LMO3: variants seen among roughly 807,000 people sequenced by gnomAD.
The protein encoded by LMO3 is LIM domain only protein 3.
LMO3 carries 2 observed loss-of-function variants against 15.8 expected under a neutral mutation model. The ratio of observed to expected loss-of-function variants is 0.13; its 90% CI spans 0.05 to 0.40. The LOEUF is 0.40. LMO3 is among the 10% of genes least tolerant of loss of function. LMO3 has a pLI of 0.99. For synonymous variants in LMO3, 62 were observed against 63.8 expected (o/e 0.97, Z 0.13); for missense variants, 86 against 182.2 (o/e 0.47, Z 3.04).
chr12:16,600,291 CAAAAAAAAAAAA>C lies in LMO3; in HGVS notation c.206+352_206+363del, dbSNP rs35993210. 17 of 69,684 alleles carry C rather than the reference CAAAAAAAAAAAA, an allele frequency of 2.4e-4. No homozygotes were observed. The East Asian group carries it at 4.0e-3, about 16-fold the overall frequency. 4.3% of individuals were successfully genotyped at this position (69,684 alleles called of 1,614,324 possible). ...TCAACCCCCATTCCCCCTTAAGCTC[CAAAAAAAAAAAA>C]AAAAAAAAAAAAGAAAAAAAAGAAA... On this transcript the variant is annotated intron_variant, in intron 2 of 3. Coordinates refer to ENST00000537304, the MANE Select transcript of LMO3 (RefSeq NM_018640.5).
Position 16,555,204 on chromosome 12 carries a change from C to T in LMO3, c.333-3877G>A, listed in dbSNP as rs545173124. On this transcript the variant is annotated intron_variant, in intron 3 of 3. Coordinates refer to ENST00000537304, the MANE Select transcript of LMO3 (RefSeq NM_018640.5). This position sits in a 1 kb window ranked among gnomAD's most constrained non-coding sequence, Gnocchi z 5.5. ...GGTAATGATAATCTTTTCACCTTTA[C>T]TTAAGTTGTTCCCTAGCAAGAAATA... Among the ~76,000 whole-genome samples, 17 of 152,266 alleles carry T rather than the reference C, an allele frequency of 1.1e-4. No homozygotes were observed. The East Asian group carries it at 3.3e-3, about 29-fold the overall frequency.
At chr12:16,581,438 C>T (rs1402231665) in intron 2 of LMO3, among the ~76,000 whole-genome samples, 1 of 152,238 alleles carries the variant, frequency 6.6e-6, no homozygotes, top group Non-Finnish European at 1.5e-5. Flanking sequence ...ATATATAACT[C>T]ATTGAGAATA....
rs978330629 is a variant in LMO3, at chr12:16,550,605, A to G, written c.*617T>C. 1 of 152,334 alleles carries G rather than the reference A, an allele frequency of 6.6e-6. No individual in the cohort carries two copies. The highest frequency in any genetic ancestry group is 2.4e-5 in the African/African-American group (1 of 41,432). The allele number at this position is 152,334 out of a possible 1,614,324, so 9.4% of individuals were successfully genotyped here. ...CCCCCTGAAAATAGGGGGTTATAACAAGAACACTGATAGACTCTAACTCAT... is the reference window on the plus strand; with the variant it reads ...CCCCCTGAAAATAGGGGGTTATAACGAGAACACTGATAGACTCTAACTCAT... On this transcript the variant is annotated 3_prime_UTR_variant, in exon 4 of 4. Coordinates refer to ENST00000537304, the MANE Select transcript of LMO3 (RefSeq NM_018640.5).
At chr12:16,565,983 CATATAT>C (rs61358392) in intron 2 of LMO3, among the ~76,000 whole-genome samples, 67 of 43,832 alleles carry the variant, frequency 1.5e-3, no homozygotes, top group Non-Finnish European at 1.8e-3. Flanking sequence ...GAAAATGTGC[CATATAT>C]ATATATATAT....
chr12:16,573,483 C>G (rs1942890613), intron 2 of LMO3: 1 of 152,122 alleles, frequency 6.6e-6, no homozygotes, highest in Non-Finnish European at 1.5e-5. Context: ...AAAGTACTAA[C>G]CTACTAGTTA....
In LMO3 at chr12:16,566,039, T is replaced by TATATATATATAA. The variant is rs1565488437; in HGVS notation, c.207-5502_207-5501insTTATATATATAT. On this transcript the variant is annotated intron_variant, in intron 2 of 3. Transcript: ENST00000537304. The stretch of plus-strand genomic sequence containing the variant: ...ATATATATATATATATATATATATA[T>TATATATATATAA]AAAATGGAGTACTATTCAGCCATAA... 5.8e-5 allele frequency among the ~76,000 whole-genome samples: 5 copies of TATATATATATAA among 86,522 alleles called. 1 individual carries two copies. Among genetic ancestry groups the TATATATATATAA allele is most frequent in the Non-Finnish European group, 9.0e-5 (4 of 44,258 alleles). The allele number at this position is 86,522 out of a possible 152,430, so 56.8% of individuals were successfully genotyped here. A position where few individuals can be genotyped will look rare whatever the true frequency, so the allele number is the denominator to read the frequency against.
intron 2 of LMO3, among the ~76,000 whole-genome samples, chr12:16,565,425 T>C (rs541653859): frequency 1.5e-4 from 23 of 152,334 alleles, no homozygotes; most frequent in African/African-American, 5.5e-4. Flanking sequence ...TCAATTCTTT[T>C]GTTTTCAACT....
At chr12:16,588,944 A>T (rs1366495645) in intron 2 of LMO3, among the ~76,000 whole-genome samples, 1 of 152,020 alleles carries the variant, frequency 6.6e-6, no homozygotes, top group Non-Finnish European at 1.5e-5. Context: ...CTCTTTCCCT[A>T]CTGTGGTCCA....
At chr12:16,556,673 A>AT (rs1165655223) in intron 3 of LMO3, among the ~76,000 whole-genome samples, 3 of 152,190 alleles carry the variant, frequency 2.0e-5, no homozygotes, top group Non-Finnish European at 4.4e-5. Flanking sequence ...TGGCTACTGG[A>AT]AGTGGGATAT....
chr12:16,583,869 T>C (rs1437353152), intron 2 of LMO3, among the ~76,000 whole-genome samples: 1 of 152,078 alleles, frequency 6.6e-6, no homozygotes, highest in African/African-American at 2.4e-5. Flanking sequence ...AAGATAGAAG[T>C]CTTAAAGGTT....
chr12:16,607,661 T>G (rs1944042935), upstream of LMO3: 2 of 152,216 alleles, frequency 1.3e-5, no homozygotes, highest in Non-Finnish European at 2.9e-5. Context: ...AGACACTCAC[T>G]GAAATGTTTA....
chr12:16,580,601 T>C (rs1344429822), intron 2 of LMO3, among the ~76,000 whole-genome samples: 1 of 152,152 alleles, frequency 6.6e-6, no homozygotes, highest in Non-Finnish European at 1.5e-5. Flanking sequence ...TTCACTAGCA[T>C]GGAAAAATGT....
At position 16,597,368 on chromosome 12, in the gene LMO3, TC is replaced by T. The variant is rs1943691508; in HGVS notation, c.206+3286del. ...TCTTACAGTCTAAATTATTATATTT[TC>T]ATATTATTTAATATCTCAAATCATC... On this transcript the variant is annotated intron_variant, in intron 2 of 3. Coordinates refer to ENST00000537304, the MANE Select transcript of LMO3 (RefSeq NM_018640.5). This position sits in a 1 kb window ranked among gnomAD's most constrained non-coding sequence, Gnocchi z 5.0. 6.6e-6 allele frequency among the ~76,000 whole-genome samples: 1 copy of T among 151,810 alleles called. No homozygotes were observed. The highest frequency in any genetic ancestry group is 1.5e-5 in the Non-Finnish European group (1 of 67,760).
In LMO3 at chr12:16,560,413, C is replaced by G; in HGVS notation, c.332G>C (p.Arg111Thr). The change falls in exon 3 of 4, where the codon AGA (arginine) becomes ACA (threonine). Residue 111 changes from arginine to threonine, a missense_variant and splice_region_variant. Physicochemically the swap from Arg to Thr is moderately conservative, Grantham distance 71. Around this residue, in one of 3 missense-constraint regions of LMO3, gnomAD observed 51 missense variants for 140.3 expected, o/e 0.36. Coordinates refer to ENST00000537304, the MANE Select transcript of LMO3 (RefSeq NM_018640.5). The surrounding 1 kb of genome is among the most constrained non-coding windows in gnomAD (Gnocchi z 5.0). ...DCFACQLCNQ[R>T]FCVGDKFFLK... ...AGAGACCAAAAAGAGACCTGCTTAC[C>G]TCTGATTACAAAGCTGACATGCAAA... 6.2e-7 allele frequency: 1 copy of G among 1,612,948 alleles called. No homozygotes were observed. The highest frequency in any genetic ancestry group is 8.5e-7 in the Non-Finnish European group (1 of 1,179,440).
rs961431154 is a variant in LMO3 at position 16,550,290 on chromosome 12, A to T, written c.*932T>A. ...ATCTGGGCAGAATTTATACAAGAAG[A>T]AGTTTAATTTATCACTTAAAAATCA... On this transcript the variant is annotated 3_prime_UTR_variant, in exon 4 of 4. Transcript: ENST00000537304. The T allele has an allele frequency of 2.6e-5, 4 of 152,436 alleles. No individual in the cohort carries two copies. The highest frequency in any genetic ancestry group is 4.4e-5 in the Non-Finnish European group (3 of 67,906). 9.4% of individuals were successfully genotyped at this position (152,436 alleles called of 1,614,324 possible). A position where few individuals can be genotyped will look rare whatever the true frequency, so the allele number is the denominator to read the frequency against.
At chr12:16,581,186 C>T (rs780773646) in intron 2 of LMO3, among the ~76,000 whole-genome samples, 3 of 152,278 alleles carry the variant, frequency 2.0e-5, no homozygotes, top group South Asian at 4.1e-4. Flanking sequence ...ATGGGGACCT[C>T]GGAGTAAGTC....
At chr12:16,594,857 C>T (rs1459446333) in intron 2 of LMO3, among the ~76,000 whole-genome samples, 1 of 151,388 alleles carries the variant, frequency 6.6e-6, no homozygotes, top group Non-Finnish European at 1.5e-5. Flanking sequence ...CAAAACACAC[C>T]ATTAAAATTT....
intron 2 of LMO3, among the ~76,000 whole-genome samples, chr12:16,578,034 G>T (rs1291921545): frequency 1.3e-5 from 2 of 152,098 alleles, no homozygotes; most frequent in Non-Finnish European, 2.9e-5. Context: ...ATGTACAATG[G>T]ACTCCAGTCC....
Position 16,560,603 on chromosome 12 carries a change from A to AGAT in LMO3, c.207-68_207-66dup. The AGAT allele has an allele frequency of 4.2e-6, 6 of 1,439,230 alleles. No homozygotes were observed. The highest frequency in any genetic ancestry group is 5.8e-6 in the Non-Finnish European group (6 of 1,037,018). The allele number at this position is 1,439,230 out of a possible 1,614,324, so 89.2% of individuals were successfully genotyped here. A position where few individuals can be genotyped will look rare whatever the true frequency, so the allele number is the denominator to read the frequency against. ...CAGAGAAATCTGAGATCGTGAAGAG[A>AGAT]GATGATGTTAATATACTCTGTAAAG... On this transcript the variant is annotated intron_variant, in intron 2 of 3. Transcript: ENST00000537304. The surrounding 1 kb of genome is among the most constrained non-coding windows in gnomAD (Gnocchi z 5.0).
Sources: gnomAD v4.1 joint callset for allele counts (sites outside exome capture counted in the v4.1 genomes callset) on GRCh38, gnomAD v4.1.1 for gene constraint, gnomAD v4.1.1 regional missense constraint, Gnocchi (gnomAD v3.1) non-coding constraint, MANE v1.5 for transcripts, NCBI Gene and HGNC (gene_info 2026-07-23, HGNC 2026-07-21) for gene names.